AGTPBP1: variants seen among roughly 807,000 people sequenced by gnomAD.
AGTPBP1 encodes the protein ATP/GTP binding carboxypeptidase 1.
In AGTPBP1, 70 loss-of-function variants were observed where a neutral mutation model predicts 143.9. That is an observed-to-expected ratio of 0.49 (90% CI 0.40 to 0.59). The LOEUF (loss-of-function observed/expected upper bound fraction) is 0.59. AGTPBP1 is among the 20% of genes least tolerant of loss of function. AGTPBP1 has a pLI of 0.00. For missense variants in AGTPBP1, 1,229 were observed against 1,464.5 expected, an observed-to-expected ratio of 0.84 and a Z score of 2.62; for synonymous variants, 463 against 500.2, an observed-to-expected ratio of 0.93 and a Z score of 0.99.
In AGTPBP1 at chr9:85,572,004, G is replaced by GTTTTTTTTTTTTTTTTTTTTT. The variant is rs55882437; in HGVS notation, c.3503+3290_3503+3310dup. Among the ~76,000 whole-genome samples, 3 of 43,492 alleles carry GTTTTTTTTTTTTTTTTTTTTT rather than the reference G, an allele frequency of 6.9e-5. 1 individual carries two copies. The highest frequency in any genetic ancestry group is 1.5e-4 in the Non-Finnish European group (3 of 19,980). 28.5% of individuals were successfully genotyped at this position (43,492 alleles called of 152,430 possible). The stretch of plus-strand genomic sequence containing the variant: ...TGGCCATTATTAGTTGTTTGTGTGT[G>GTTTTTTTTTTTTTTTTTTTTT]TTTTTTTTTTTTTTTTTTTTTTTTT... On this transcript the variant is annotated intron_variant, in intron 25 of 25. Coordinates refer to ENST00000357081, the MANE Select transcript of AGTPBP1 (RefSeq NM_001330701.2).
At chr9:85,581,263 G>C (rs556647462) in intron 23 of AGTPBP1, among the ~76,000 whole-genome samples, 5 of 152,168 alleles carry the variant, frequency 3.3e-5, no homozygotes, top group Non-Finnish European at 7.3e-5. Flanking sequence ...TGACAAAATG[G>C]AAAGCACGCA....
intron 11 of AGTPBP1, among the ~76,000 whole-genome samples, chr9:85,653,259 G>A (rs192721593): frequency 1.1e-3 from 160 of 151,796 alleles, no homozygotes; most frequent in Middle Eastern, 3.4e-3. Flanking sequence ...AGGAATAATG[G>A]AAAACAGAAT....
Position 85,592,618 on chromosome 9 carries a change from T to C in AGTPBP1, c.2510A>G (p.His837Arg). ...AGCAAAGTAGCAAACATCATCTTTA[T>C]GTGGAAAATTGACAGTAAATGTAAT... Reference protein sequence around the residue: ...YTITFTVNFPHKDDVCYFAYH... With the variant: ...YTITFTVNFPRKDDVCYFAYH... The change falls in exon 19 of 26, where the codon CAT becomes CGT. Residue 837 changes from histidine (H) to arginine (R), a missense_variant. Physicochemically the swap from His to Arg is conservative, Grantham distance 29. This residue lies in a region of AGTPBP1 where 486 missense variants were observed against 652.3 expected (regional missense o/e 0.75). Transcript: ENST00000357081. The C allele has an allele frequency of 6.2e-7, 1 of 1,612,428 alleles. No individual in the cohort carries two copies. Among genetic ancestry groups the C allele is most frequent in the Non-Finnish European group, 8.5e-7 (1 of 1,179,292 alleles).
At chr9:85,624,127 T>A (rs1831123130) in intron 14 of AGTPBP1, among the ~76,000 whole-genome samples, 1 of 152,196 alleles carries the variant, frequency 6.6e-6, no homozygotes, top group Non-Finnish European at 1.5e-5. Flanking sequence ...TAAATCTCAT[T>A]GCTATATTTA....
the AGTPBP1 span, among the ~76,000 whole-genome samples, chr9:85,765,391 T>C: frequency 6.6e-6 from 1 of 152,212 alleles, no homozygotes; most frequent in Non-Finnish European, 1.5e-5. Context: ...CCAATGTCCA[T>C]ACTATGTCCA....
At chr9:85,751,141 C>G in the AGTPBP1 span, among the ~76,000 whole-genome samples, 4 of 152,168 alleles carry the variant, frequency 2.6e-5, no homozygotes, top group Non-Finnish European at 5.9e-5. Flanking sequence ...CTTATCATCC[C>G]CCTTTCTGGA....
chr9:85,681,344 T>A lies in AGTPBP1; in HGVS notation c.158-9A>T, dbSNP rs780242109. On this transcript the variant is annotated splice_polypyrimidine_tract_variant and intron_variant, in intron 3 of 25. Coordinates refer to ENST00000357081, the MANE Select transcript of AGTPBP1 (RefSeq NM_001330701.2). ...TTCTCTCCTTGTTTTTTCTGAAAAG[T>A]AGCAAACAATTTTTTTCTCAAACAT... 6.2e-7 allele frequency: 1 copy of A among 1,609,086 alleles called. No homozygotes were observed. Among genetic ancestry groups the A allele is most frequent in the Non-Finnish European group, 8.5e-7 (1 of 1,178,736 alleles).
intron 2 of AGTPBP1, among the ~76,000 whole-genome samples, chr9:85,697,024 T>C (rs1313854534): frequency 6.6e-6 from 1 of 152,174 alleles, no homozygotes; most frequent in African/African-American, 2.4e-5. Context: ...ATTTTTACTG[T>C]TTTTCTCCAA....
At chr9:85,593,180 A>G (rs1564042656) in intron 18 of AGTPBP1, among the ~76,000 whole-genome samples, 1 of 152,182 alleles carries the variant, frequency 6.6e-6, no homozygotes, top group Non-Finnish European at 1.5e-5. Flanking sequence ...TGCACCACCT[A>G]TTAAGTATTC....
chr9:85,559,357 T>C (rs894206160), intron 25 of AGTPBP1, among the ~76,000 whole-genome samples: 1 of 152,002 alleles, frequency 6.6e-6, no homozygotes, highest in Admixed American at 6.5e-5. Flanking sequence ...AAGAAAGTTC[T>C]ATAACTTCTG....
At chr9:85,585,892 T>C (rs1052795254) in intron 22 of AGTPBP1, among the ~76,000 whole-genome samples, 4 of 152,220 alleles carry the variant, frequency 2.6e-5, no homozygotes, top group African/African-American at 9.6e-5. Flanking sequence ...GTTGTGGTGA[T>C]TGCTGCCCCA....
intron 17 of AGTPBP1, among the ~76,000 whole-genome samples, chr9:85,598,664 T>C (rs908992397): frequency 3.3e-5 from 5 of 152,192 alleles, no homozygotes; most frequent in Non-Finnish European, 7.3e-5. Context: ...AAAATATCTG[T>C]CTTTATGCAA....
At chr9:85,672,982 G>A (rs1224737399) in intron 6 of AGTPBP1, among the ~76,000 whole-genome samples, 3 of 151,938 alleles carry the variant, frequency 2.0e-5, no homozygotes, top group Non-Finnish European at 4.4e-5. Flanking sequence ...TGATCTGCCC[G>A]CCTTGGCCTC....
chr9:85,642,680 A>G (rs1013225711), intron 13 of AGTPBP1, 147 bp downstream of exon 13: 13 of 680,108 alleles, frequency 1.9e-5, no homozygotes, highest in Admixed American at 5.5e-5. Flanking sequence ...GGATATTGAC[A>G]TAATTATTCA....
intron 24 of AGTPBP1, among the ~76,000 whole-genome samples, chr9:85,578,122 A>C (rs1259252770): frequency 1.3e-5 from 2 of 152,236 alleles, no homozygotes; most frequent in African/African-American, 4.8e-5. Flanking sequence ...GCTTATCTAA[A>C]GTCCAACTCA....
intron 6 of AGTPBP1, among the ~76,000 whole-genome samples, chr9:85,676,275 G>A (rs1217186277): frequency 2.0e-5 from 3 of 151,766 alleles, no homozygotes; most frequent in Admixed American, 6.6e-5. Flanking sequence ...CTACAGAATG[G>A]GAGGAAATAC....
At chr9:85,775,837 G>T in the AGTPBP1 span, among the ~76,000 whole-genome samples, 2 of 152,092 alleles carry the variant, frequency 1.3e-5, no homozygotes, top group African/African-American at 2.4e-5. Context: ...CAGCTTATTA[G>T]ATGGTGCACC....
intron 1 of AGTPBP1, among the ~76,000 whole-genome samples, chr9:85,729,011 T>C (rs1838704518): frequency 6.6e-6 from 1 of 152,178 alleles, no homozygotes; most frequent in Admixed American, 6.5e-5. Flanking sequence ...CACACCAACC[T>C]AAATAAATAA....
At chr9:85,676,574 C>T (rs545325196) in intron 6 of AGTPBP1, among the ~76,000 whole-genome samples, 1 of 152,064 alleles carries the variant, frequency 6.6e-6, no homozygotes, top group East Asian at 1.9e-4. Context: ...GGATAAGGAA[C>T]TCTCACACAC....
Sources: allele counts gnomAD v4.1 joint callset (sites outside exome capture counted in the v4.1 genomes callset), GRCh38; gene constraint gnomAD v4.1.1; regional missense constraint gnomAD v4.1.1; transcripts MANE v1.5; gene names NCBI Gene and HGNC (gene_info 2026-07-23, HGNC 2026-07-21).